LRCH3: variants seen among roughly 807,000 people sequenced by gnomAD.
LRCH3 encodes the protein DISP complex protein LRCH3.
Under a neutral mutation model 104.5 loss-of-function variants are expected in LRCH3, and 68 were observed. That is an observed-to-expected ratio of 0.65 (90% CI 0.54 to 0.80). LRCH3 has a LOEUF of 0.80. LRCH3 is among the 30% of genes least tolerant of loss of function. LRCH3 has a pLI of 0.00. For missense variants in LRCH3, 951 were observed against 953.9 expected, an observed-to-expected ratio of 1.00 and a Z score of 0.04; for synonymous variants, 344 against 361.3, an observed-to-expected ratio of 0.95 and a Z score of 0.54.
chr3:197,828,771 G>C (rs1466516014), intron 5 of LRCH3, among the ~76,000 whole-genome samples: 2 of 144,652 alleles, frequency 1.4e-5, no homozygotes, highest in Admixed American at 7.1e-5. Context: ...GCAATGGTGC[G>C]ATCTCGGCTT....
chr3:197,797,886 A>AAC lies in LRCH3; in HGVS notation c.262+6347_262+6348insCA, dbSNP rs1337176288. Among the ~76,000 whole-genome samples, 323 of 142,652 alleles carry AAC rather than the reference A, an allele frequency of 2.3e-3. 4 individuals are homozygous for AAC. The highest frequency in any genetic ancestry group is 8.1e-3 in the African/African-American group (296 of 36,736). 93.6% of individuals were successfully genotyped at this position (142,652 alleles called of 152,430 possible). On this transcript the variant is annotated intron_variant, in intron 1 of 20. Coordinates refer to ENST00000425562, the MANE Select transcript of LRCH3 (RefSeq NM_001365715.1). ...AAAAAAAAAAAAACAAAAAAAACAAAAAAAAAAACAAAACCAGAAAAATCC... is the reference window on the plus strand; with the variant it reads ...AAAAAAAAAAAAACAAAAAAAACAAAACAAAAAAAACAAAACCAGAAAAATCC...
At chr3:197,816,671 C>T (rs1580619291) in intron 2 of LRCH3, among the ~76,000 whole-genome samples, 2 of 152,120 alleles carry the variant, frequency 1.3e-5, no homozygotes, top group Admixed American at 1.3e-4. Context: ...TTGGTGTGAT[C>T]TATGAAATCA....
chr3:197,815,305 G>A (rs1030162762), intron 2 of LRCH3, among the ~76,000 whole-genome samples: 3 of 152,138 alleles, frequency 2.0e-5, no homozygotes, highest in Admixed American at 6.6e-5. Context: ...AGTTGAAAAT[G>A]CATTTCCCAC....
chr3:197,880,157 G>A (rs959957611), intron 20 of LRCH3, among the ~76,000 whole-genome samples: 2 of 151,630 alleles, frequency 1.3e-5, no homozygotes, highest in Admixed American at 1.3e-4. Context: ...GTGTTAGCCG[G>A]GATGGTCTCG....
At chr3:197,863,344 C>G (rs1029174197) in intron 15 of LRCH3, among the ~76,000 whole-genome samples, 2 of 152,152 alleles carry the variant, frequency 1.3e-5, no homozygotes, top group Admixed American at 6.5e-5. Flanking sequence ...CTCACTGCAA[C>G]CTCCGCCTCC....
At chr3:197,874,284 G>C (rs1712599125) in intron 19 of LRCH3, among the ~76,000 whole-genome samples, 1 of 152,124 alleles carries the variant, frequency 6.6e-6, no homozygotes, top group Non-Finnish European at 1.5e-5. Flanking sequence ...CACCACCCGA[G>C]CTCTGCCTCC....
chr3:197,818,388 T>A (rs991794416), intron 3 of LRCH3, among the ~76,000 whole-genome samples: 1 of 152,256 alleles, frequency 6.6e-6, no homozygotes, highest in African/African-American at 2.4e-5. Context: ...TACAATTATG[T>A]CCATTAGGAT....
intron 15 of LRCH3, among the ~76,000 whole-genome samples, chr3:197,862,960 T>G (rs1351140262): frequency 3.3e-5 from 5 of 152,210 alleles, no homozygotes; most frequent in African/African-American, 4.8e-5. Context: ...TCTTGAGAAT[T>G]TTCTCAACAT....
At chr3:197,865,370 G>GA (rs566930514) in intron 15 of LRCH3, 53 bp from the exon 16 acceptor site, 1,025 of 1,227,414 alleles carry the variant, frequency 8.4e-4, no homozygotes, top group Non-Finnish European at 1.1e-3. Context: ...CATAAAAGTA[G>GA]AAAGTATTTC....
intron 2 of LRCH3, among the ~76,000 whole-genome samples, 178 bp downstream of exon 2, chr3:197,815,230 T>C (rs1733672008): frequency 6.6e-6 from 1 of 152,208 alleles, no homozygotes; most frequent in Non-Finnish European, 1.5e-5. Flanking sequence ...TCTTTATCTT[T>C]GGCTTTGCAG....
chr3:197,870,108 TCTC>T (rs1353100595), intron 17 of LRCH3, 49 bp from the exon 18 acceptor site: 59 of 1,586,924 alleles, frequency 3.7e-5, no homozygotes, highest in Non-Finnish European at 4.6e-5. Flanking sequence ...AGCCGGATGT[TCTC>T]CTAGCACTGC....
intron 1 of LRCH3, among the ~76,000 whole-genome samples, chr3:197,804,726 C>T (rs968895353): frequency 1.3e-5 from 2 of 152,156 alleles, no homozygotes; most frequent in South Asian, 2.1e-4. Flanking sequence ...CAGACATTAT[C>T]GTGGTCCAAT....
At chr3:197,879,472 C>T (rs1040213156) in intron 20 of LRCH3, among the ~76,000 whole-genome samples, 2 of 150,926 alleles carry the variant, frequency 1.3e-5, no homozygotes, top group Non-Finnish European at 1.5e-5. Flanking sequence ...TGGTGAAACC[C>T]CGTCTCTACT....
intron 7 of LRCH3, 108 bp from the exon 8 acceptor site, chr3:197,832,089 T>C (rs1736021881): frequency 1.2e-5 from 14 of 1,138,734 alleles, no homozygotes; most frequent in Non-Finnish European, 1.7e-5. Flanking sequence ...AATTTACTCC[T>C]GGCCTCAAGT....
chr3:197,839,310 C>T lies in LRCH3; in HGVS notation c.1252-11C>T, dbSNP rs1737433173. The T allele has an allele frequency of 5.1e-6, 8 of 1,564,082 alleles. No homozygotes were observed. In the East Asian group the frequency reaches 1.1e-4, roughly 22 times the overall value. On this transcript the variant is annotated splice_polypyrimidine_tract_variant and intron_variant, in intron 9 of 20. Transcript: ENST00000425562. ...TATACTAAATTTATTTATTTCTGTCCTCTGGCCTAGGGTTCACCAGTAAAG... is the reference window on the plus strand; with the variant it reads ...TATACTAAATTTATTTATTTCTGTCTTCTGGCCTAGGGTTCACCAGTAAAG...
Position 197,832,319 on chromosome 3 carries a change from T to C in LRCH3, c.1102+2T>C. On this transcript the variant is annotated splice_donor_variant, in intron 8 of 20. Transcript: ENST00000425562. LOFTEE classifies it high-confidence loss of function. The stretch of plus-strand genomic sequence containing the variant: ...GTTTGGTAGTAACAAACGGCGGAGG[T>C]AAACATAATTCCGGTGACAGCTAAA... The C allele has an allele frequency of 6.2e-7, 1 of 1,612,836 alleles. No individual in the cohort carries two copies. Among genetic ancestry groups the C allele is most frequent in the Non-Finnish European group, 8.5e-7 (1 of 1,179,176 alleles).
rs746625945 is a variant in LRCH3, at chr3:197,865,479, A to C, written c.1765+8A>C. ...CACCTGCAACAGAAACAGGTAATAG[A>C]CACAAAGGTGCAATTAACCACATCA... On this transcript the variant is annotated splice_region_variant and intron_variant, in intron 16 of 20. Coordinates refer to ENST00000425562, the MANE Select transcript of LRCH3 (RefSeq NM_001365715.1). The C allele has an allele frequency of 2.0e-6, 3 of 1,511,322 alleles. No homozygotes were observed. The South Asian group carries it at 3.9e-5, about 19-fold the overall frequency. 93.6% of individuals were successfully genotyped at this position (1,511,322 alleles called of 1,614,324 possible). A position where few individuals can be genotyped will look rare whatever the true frequency, so the allele number is the denominator to read the frequency against.
Position 197,835,786 on chromosome 3 carries a change from T to G in LRCH3, c.1215T>G (p.Phe405Leu). The G allele has an allele frequency of 6.2e-7, 1 of 1,614,138 alleles. No individual in the cohort carries two copies. The highest frequency in any genetic ancestry group is 1.3e-5 in the African/African-American group (1 of 75,052). Residue 405 changes from phenylalanine to leucine, a missense_variant, in exon 9 of 21, where the codon TTT becomes TTG. Phe to Leu is a conservative substitution (Grantham distance 22). Coordinates refer to ENST00000425562, the MANE Select transcript of LRCH3 (RefSeq NM_001365715.1). ...GPDPDSLSSQ[F>L]MAYIEQRRIS... ...ACCCAGACAGCCTTAGTTCACAGTT[T>G]ATGGCGTATATTGAACAGCGGCGAA... is the stretch of plus-strand genomic sequence containing the variant.
At chr3:197,843,866 T>G (rs1738199842) in intron 10 of LRCH3, among the ~76,000 whole-genome samples, 1 of 152,206 alleles carries the variant, frequency 6.6e-6, no homozygotes, top group Non-Finnish European at 1.5e-5. Flanking sequence ...TTAAGCACTA[T>G]AGTGGTTCTG....
Sources: gnomAD v4.1 joint callset for allele counts (sites outside exome capture counted in the v4.1 genomes callset) on GRCh38, gnomAD v4.1.1 for gene constraint, MANE v1.5 for transcripts, NCBI Gene and HGNC (gene_info 2026-07-23, HGNC 2026-07-21) for gene names.